MARCHF10: variants seen among roughly 807,000 people sequenced by gnomAD.
MARCHF10 encodes probable E3 ubiquitin-protein ligase MARCHF10.
Under a neutral mutation model 76.2 loss-of-function variants are expected in MARCHF10, and 64 were observed. That is an observed-to-expected ratio of 0.84 (90% CI 0.69 to 1.03). The LOEUF (loss-of-function observed/expected upper bound fraction) is 1.03. Ranked by LOEUF, MARCHF10 falls within the 50% of genes least tolerant of loss-of-function variation. The pLI is 0.00. For missense variants in MARCHF10, 875 were observed against 958.0 expected (o/e 0.91, Z 1.14); for synonymous variants, 340 against 357.5 (o/e 0.95, Z 0.55).
intron 6 of MARCHF10, among the ~76,000 whole-genome samples, chr17:62,730,700 C>T (rs997259337): frequency 6.6e-6 from 1 of 152,112 alleles, no homozygotes; most frequent in Non-Finnish European, 1.5e-5. Flanking sequence ...TCGAGACCAG[C>T]CTGCCCAATG....
intron 10 of MARCHF10, 91 bp from the exon 11 acceptor site, chr17:62,701,849 C>A: frequency 1.3e-6 from 2 of 1,551,268 alleles, no homozygotes; most frequent in South Asian, 1.1e-5. Flanking sequence ...CATCTTCTCC[C>A]ACCCCATCCC....
chr17:62,774,589 G>A (rs1315032752), intron 3 of MARCHF10, among the ~76,000 whole-genome samples: 3 of 152,072 alleles, frequency 2.0e-5, no homozygotes, highest in South Asian at 2.1e-4. Context: ...AGGGGTCTGA[G>A]GTGCATTTCC....
chr17:62,717,849 T>C (rs1002110135), intron 8 of MARCHF10, among the ~76,000 whole-genome samples: 4 of 152,224 alleles, frequency 2.6e-5, no homozygotes, highest in Non-Finnish European at 5.9e-5. Flanking sequence ...CCCACCCAGA[T>C]CCTGGCTGAT....
At chr17:62,777,398 T>A (rs2092571401) in intron 3 of MARCHF10, among the ~76,000 whole-genome samples, 1 of 152,196 alleles carries the variant, frequency 6.6e-6, no homozygotes, top group Admixed American at 6.5e-5. Context: ...TACCTTTTCC[T>A]AGAAATTTCT....
intron 3 of MARCHF10, among the ~76,000 whole-genome samples, chr17:62,764,815 T>TA (rs1324407887): frequency 6.6e-6 from 1 of 152,184 alleles, no homozygotes; most frequent in African/African-American, 2.4e-5. Flanking sequence ...AAAAAACTCT[T>TA]ACAGCAGCAA....
intron 4 of MARCHF10, 28 bp from the exon 5 acceptor site, chr17:62,744,556 T>C: frequency 1.9e-6 from 3 of 1,609,666 alleles, no homozygotes; most frequent in Non-Finnish European, 2.5e-6. Context: ...TTTTCAATAA[T>C]TATTTTGTTT....
At chr17:62,733,468 G>A (rs749756104) in intron 6 of MARCHF10, among the ~76,000 whole-genome samples, 3 of 151,294 alleles carry the variant, frequency 2.0e-5, no homozygotes, top group Non-Finnish European at 4.4e-5. Flanking sequence ...CAATACGAAT[G>A]TTGTCAAGGA....
chr17:62,748,497 G>A (rs926655416), intron 4 of MARCHF10, among the ~76,000 whole-genome samples: 2 of 152,184 alleles, frequency 1.3e-5, no homozygotes, highest in African/African-American at 4.8e-5. Flanking sequence ...AACACTTTGG[G>A]AGGCCGAGGC....
chr17:62,800,523 C>T (rs1045134752), intron 2 of MARCHF10, among the ~76,000 whole-genome samples: 5 of 152,098 alleles, frequency 3.3e-5, no homozygotes, highest in East Asian at 1.9e-4. Flanking sequence ...AAAGCTAAGC[C>T]GTATTATACA....
rs1191813318 is a variant in MARCHF10, at chr17:62,735,871, G to A, written c.1937+60C>T. On this transcript the variant is annotated intron_variant, in intron 6 of 10. Coordinates refer to ENST00000311269, the MANE Select transcript of MARCHF10 (RefSeq NM_152598.4). ...AAATTCCCATGGCTCTCTAACGAAA[G>A]CAATGCTAATTTTGGCCTTGGGAAA... 5 of 1,491,222 alleles carry A rather than the reference G, an allele frequency of 3.4e-6. No homozygotes were observed. The Admixed American group carries it at 6.6e-5, about 20-fold the overall frequency. 92.4% of individuals were successfully genotyped at this position (1,491,222 alleles called of 1,614,324 possible).
In MARCHF10 at chr17:62,746,518, G is replaced by C. The variant is rs770534952; in HGVS notation, c.383-1990C>G. Among the ~76,000 whole-genome samples the C allele has an allele frequency of 1.6e-4, 25 of 152,062 alleles. 1 individual carries two copies. Among genetic ancestry groups the C allele is most frequent in the Non-Finnish European group, 2.9e-4 (20 of 68,010 alleles). ...TTTACACTAAGGGATCCATCACTGA[G>C]GGAAGGAGGGAAGCATTTTCCCACT... On this transcript the variant is annotated intron_variant, in intron 4 of 10. Transcript: ENST00000311269.
In MARCHF10 at chr17:62,711,467, A is replaced by T; in HGVS notation, c.2215-123T>A. On this transcript the variant is annotated intron_variant, in intron 8 of 10. Coordinates refer to ENST00000311269, the MANE Select transcript of MARCHF10 (RefSeq NM_152598.4). This position sits in a 1 kb window ranked among gnomAD's most constrained non-coding sequence, Gnocchi z 4.4. ...GGGAGAAGAGCCCAAGCTCCAAGGC[A>T]AGGCCTGCTCTTGGGGACCAGAAGA... 2 of 858,020 alleles carry T rather than the reference A, an allele frequency of 2.3e-6. No homozygotes were observed. Among genetic ancestry groups the T allele is most frequent in the Admixed American group, 4.4e-5 (2 of 45,952 alleles). The allele number at this position is 858,020 out of a possible 1,614,324, so 53.2% of individuals were successfully genotyped here.
chr17:62,743,211 C>A (rs2091578277), intron 5 of MARCHF10, among the ~76,000 whole-genome samples: 1 of 152,204 alleles, frequency 6.6e-6, no homozygotes, highest in South Asian at 2.1e-4. Flanking sequence ...AAAGCTCATG[C>A]CCTTCCCGGC....
intron 6 of MARCHF10, among the ~76,000 whole-genome samples, chr17:62,730,357 G>A (rs1415234749): frequency 6.6e-6 from 1 of 152,198 alleles, no homozygotes. Context: ...AGTAAGGAAA[G>A]GATAGAATGA....
At chr17:62,724,418 T>A (rs2090651723) in intron 7 of MARCHF10, among the ~76,000 whole-genome samples, 1 of 152,106 alleles carries the variant, frequency 6.6e-6, no homozygotes, top group Admixed American at 6.5e-5. Flanking sequence ...GACAATCAGA[T>A]CAGCACTCTT....
At chr17:62,755,599 C>T (rs1216248011) in intron 4 of MARCHF10, among the ~76,000 whole-genome samples, 2 of 152,224 alleles carry the variant, frequency 1.3e-5, no homozygotes, top group East Asian at 3.8e-4. Context: ...TCTCACCCTA[C>T]ACCAGCGTTC....
Position 62,744,506 on chromosome 17 carries a change from T to C in MARCHF10, c.405A>G (p.Leu135=). 1 of 1,614,162 alleles carries C rather than the reference T, an allele frequency of 6.2e-7. No homozygotes were observed. Residue 135 remains leucine (L), a synonymous_variant, in exon 5 of 11, where the codon TTA becomes TTG. Coordinates refer to ENST00000311269, the MANE Select transcript of MARCHF10 (RefSeq NM_152598.4). ...TCAGGTTTGGCTTCCTCTTTCTTAA[T>C]AAAACCATTGGTGCTTGGTCTGCTG... is the stretch of plus-strand genomic sequence containing the variant. ...PSPADQAPMV[L]LRKRKPNLRR...
chr17:62,774,602 C>T (rs559944568), intron 3 of MARCHF10, among the ~76,000 whole-genome samples: 36 of 152,192 alleles, frequency 2.4e-4, no homozygotes, highest in Admixed American at 1.7e-3. Context: ...GCATTTCCTG[C>T]GCTGCAGGGA....
chr17:62,711,364 C>G lies in MARCHF10; in HGVS notation c.2215-20G>C. On this transcript the variant is annotated intron_variant, in intron 8 of 10. Coordinates refer to ENST00000311269, the MANE Select transcript of MARCHF10 (RefSeq NM_152598.4). This position sits in a 1 kb window ranked among gnomAD's most constrained non-coding sequence, Gnocchi z 4.4. ...TTGTGCCTACAAATGGAAAAGAAAGCTCTTCAGTTCATCTGTAAAATAGTC... is the reference window on the plus strand; with the variant it reads ...TTGTGCCTACAAATGGAAAAGAAAGGTCTTCAGTTCATCTGTAAAATAGTC... 1 of 1,606,094 alleles carries G rather than the reference C, an allele frequency of 6.2e-7. No individual in the cohort carries two copies. Among genetic ancestry groups the G allele is most frequent in the South Asian group, 1.1e-5 (1 of 90,896 alleles).
Sources: allele counts gnomAD v4.1 joint callset (sites outside exome capture counted in the v4.1 genomes callset), GRCh38; gene constraint gnomAD v4.1.1; non-coding constraint Gnocchi (gnomAD v3.1); transcripts MANE v1.5; gene names NCBI Gene and HGNC (gene_info 2026-07-23, HGNC 2026-07-21).